XXYLT1: variants seen among roughly 807,000 people sequenced by gnomAD.
The protein encoded by XXYLT1 is xyloside xylosyltransferase 1.
XXYLT1 carries 20 observed loss-of-function variants against 28.9 expected under a neutral mutation model. That is an observed-to-expected ratio of 0.69 (90% CI 0.49 to 1.00). XXYLT1 has a LOEUF of 1.00. Among genes scored for constraint, XXYLT1 ranks in the 50% least tolerant of loss-of-function variants. XXYLT1 has a pLI of 0.00. For missense variants in XXYLT1, 542 were observed against 560.1 expected, an observed-to-expected ratio of 0.97 and a Z score of 0.33; for synonymous variants, 257 against 253.8, an observed-to-expected ratio of 1.01 and a Z score of -0.12.
chr3:195,088,430 G>C (rs149645184), intron 3 of XXYLT1, among the ~76,000 whole-genome samples: 2,521 of 144,812 alleles, frequency 0.017, 198 homozygotes, highest in African/African-American at 0.058. Flanking sequence ...GCACCTCACA[G>C]GGCCGGGTAC....
intron 3 of XXYLT1, among the ~76,000 whole-genome samples, chr3:195,149,518 A>G (rs1432395823): frequency 6.6e-6 from 1 of 152,164 alleles, no homozygotes; most frequent in African/African-American, 2.4e-5. Context: ...CAAACACCCC[A>G]CGCACGGGGG....
chr3:195,098,534 C>CAG (rs1000491106), intron 3 of XXYLT1, among the ~76,000 whole-genome samples: 2 of 152,130 alleles, frequency 1.3e-5, no homozygotes, highest in Non-Finnish European at 2.9e-5. Context: ...GCCTGGGAGA[C>CAG]AGAGAGAGAG....
intron 3 of XXYLT1, among the ~76,000 whole-genome samples, chr3:195,120,788 A>C (rs75406831): frequency 0.03 from 4,643 of 152,290 alleles, 104 homozygotes; most frequent in Middle Eastern, 0.12. Flanking sequence ...AAGACAAGGC[A>C]AGCTCACGGC....
rs557428701 is a variant in XXYLT1, at chr3:195,127,503, T to C, written c.785+28946A>G. On this transcript the variant is annotated intron_variant, in intron 3 of 3. Transcript: ENST00000310380. ...CTAAAAGTTTAAAAATAGTGAGGTG[T>C]GGTGGCTCATGCCTGTAATCCCAGC... Among the ~76,000 whole-genome samples the C allele has an allele frequency of 1.2e-4, 19 of 152,288 alleles. No homozygotes were observed. The South Asian group carries it at 1.7e-3, about 13-fold the overall frequency.
intron 3 of XXYLT1, among the ~76,000 whole-genome samples, chr3:195,088,210 G>T (rs1277363610): frequency 3.3e-5 from 5 of 151,548 alleles, no homozygotes. Context: ...GCCTGCCTCT[G>T]TAGGCTCCAC....
intron 1 of XXYLT1, among the ~76,000 whole-genome samples, chr3:195,232,822 CCATGTG>C (rs1724358203): frequency 6.6e-6 from 1 of 152,152 alleles, no homozygotes; most frequent in African/African-American, 2.4e-5. Context: ...TGAGAATGAT[CCATGTG>C]CTGAGCAGAA....
intron 3 of XXYLT1, among the ~76,000 whole-genome samples, chr3:195,145,748 G>A (rs961503720): frequency 7.9e-5 from 12 of 152,326 alleles, no homozygotes; most frequent in Middle Eastern, 3.4e-3. Flanking sequence ...CAAGGACACC[G>A]CAGACATCCA....
chr3:195,220,681 C>G (rs1429837395), intron 2 of XXYLT1, among the ~76,000 whole-genome samples: 1 of 152,174 alleles, frequency 6.6e-6, no homozygotes, highest in African/African-American at 2.4e-5. Context: ...CACTCACAGC[C>G]CCGAGCAGTA....
In XXYLT1 at chr3:195,226,569, T is replaced by C. The variant is rs1724060290; in HGVS notation, c.652+140A>G. 5 of 1,113,326 alleles carry C rather than the reference T, an allele frequency of 4.5e-6. No individual in the cohort carries two copies. In the South Asian group the frequency reaches 6.8e-5, roughly 15 times the overall value. The allele number at this position is 1,113,326 out of a possible 1,614,324, so 69.0% of individuals were successfully genotyped here. On this transcript the variant is annotated intron_variant, in intron 2 of 3. Coordinates refer to ENST00000310380, the MANE Select transcript of XXYLT1 (RefSeq NM_152531.5). Reference sequence around the variant, plus strand: ...TAGGAAGCTCGGTGGTACAAAGGGCTTGGTCTGGCTCCCTCGTCCACTCTT... The same window carrying C: ...TAGGAAGCTCGGTGGTACAAAGGGCCTGGTCTGGCTCCCTCGTCCACTCTT...
At chr3:195,192,923 T>C (rs958405417) in intron 2 of XXYLT1, among the ~76,000 whole-genome samples, 2 of 151,998 alleles carry the variant, frequency 1.3e-5, no homozygotes, top group South Asian at 4.2e-4. Flanking sequence ...TTTAACAAGG[T>C]TTCAGGATAT....
rs571984040 is a variant in XXYLT1, at chr3:195,155,676, G to A, written c.785+773C>T. ...CCCCACGCCCCCCACCGCCTGCCAC[G>A]CCGGCTTTGGGAAGCATCACCCCCC... is the stretch of plus-strand genomic sequence containing the variant. On this transcript the variant is annotated intron_variant, in intron 3 of 3. Transcript: ENST00000310380. 6.7e-5 allele frequency among the ~76,000 whole-genome samples: 8 copies of A among 119,952 alleles called. No homozygotes were observed. The East Asian group carries it at 1.4e-3, about 21-fold the overall frequency. The allele number at this position is 119,952 out of a possible 152,430, so 78.7% of individuals were successfully genotyped here.
rs1180208804 is a variant in XXYLT1, at chr3:195,124,135, T to C, written c.785+32314A>G. On this transcript the variant is annotated intron_variant, in intron 3 of 3. Coordinates refer to ENST00000310380, the MANE Select transcript of XXYLT1 (RefSeq NM_152531.5). The surrounding 1 kb of genome is among the most constrained non-coding windows in gnomAD (Gnocchi z 4.1). Reference sequence around the variant, plus strand: ...TTTTCTTCCAGGACACATTCTGGGATTGGTGTTCCATGGAACTCACCTCGA... The same window carrying C: ...TTTTCTTCCAGGACACATTCTGGGACTGGTGTTCCATGGAACTCACCTCGA... Among the ~76,000 whole-genome samples the C allele has an allele frequency of 6.6e-6, 1 of 152,220 alleles. No individual in the cohort carries two copies.
At chr3:195,126,376 G>A (rs935201691) in intron 3 of XXYLT1, among the ~76,000 whole-genome samples, 3 of 152,236 alleles carry the variant, frequency 2.0e-5, no homozygotes, top group African/African-American at 7.2e-5. Flanking sequence ...AATGCGATTG[G>A]TCATTCTGTG....
rs1239520113 is a variant in XXYLT1 at position 195,078,586 on chromosome 3, C to G, written c.786-8475G>C. Reference sequence around the variant, plus strand: ...GGGCCTTCTCCCCAGTGATGCCCTCCAAGCCTCCTACTAATATCGACTGCC... The same window carrying G: ...GGGCCTTCTCCCCAGTGATGCCCTCGAAGCCTCCTACTAATATCGACTGCC... On this transcript the variant is annotated intron_variant, in intron 3 of 3. Coordinates refer to ENST00000310380, the MANE Select transcript of XXYLT1 (RefSeq NM_152531.5). This position sits in a 1 kb window ranked among gnomAD's most constrained non-coding sequence, Gnocchi z 5.0. Among the ~76,000 whole-genome samples, 1 of 152,164 alleles carries G rather than the reference C, an allele frequency of 6.6e-6. No individual in the cohort carries two copies. The highest frequency in any genetic ancestry group is 1.5e-5 in the Non-Finnish European group (1 of 68,024).
intron 1 of XXYLT1, among the ~76,000 whole-genome samples, chr3:195,234,355 T>C (rs1409359087): frequency 7.3e-6 from 1 of 136,226 alleles, no homozygotes; most frequent in East Asian, 2.3e-4. Flanking sequence ...TCTCACTCTG[T>C]CGCCCAGGCT....
chr3:195,212,831 A>G (rs1723384053), intron 2 of XXYLT1, among the ~76,000 whole-genome samples: 1 of 152,164 alleles, frequency 6.6e-6, no homozygotes, highest in South Asian at 2.1e-4. Context: ...TAAGGCGTTT[A>G]GGCCCAGTTC....
At chr3:195,071,431 G>A (rs1187928484) in intron 3 of XXYLT1, among the ~76,000 whole-genome samples, 1 of 152,210 alleles carries the variant, frequency 6.6e-6, no homozygotes, top group Non-Finnish European at 1.5e-5. Flanking sequence ...CCGCTTCTGG[G>A]AACGGAGGAA....
intron 3 of XXYLT1, among the ~76,000 whole-genome samples, chr3:195,128,791 C>G (rs1035201530): frequency 6.6e-6 from 1 of 152,188 alleles, no homozygotes; most frequent in Admixed American, 6.5e-5. Flanking sequence ...ATGTCTCCCC[C>G]CTTGTATAAG....
chr3:195,223,949 G>C (rs763738445), intron 2 of XXYLT1, among the ~76,000 whole-genome samples: 1 of 152,174 alleles, frequency 6.6e-6, no homozygotes, highest in Non-Finnish European at 1.5e-5. Flanking sequence ...CTGAGGTCAG[G>C]AGTTTGAGAC....
Sources: allele counts gnomAD v4.1 joint callset (sites outside exome capture counted in the v4.1 genomes callset), GRCh38; gene constraint gnomAD v4.1.1; non-coding constraint Gnocchi (gnomAD v3.1); transcripts MANE v1.5; gene names NCBI Gene and HGNC (gene_info 2026-07-23, HGNC 2026-07-21).